The following THOC7 variants were observed in gnomAD, a reference collection of about 807,000 sequenced individuals.
THOC7 encodes the protein THO complex subunit 7.
In THOC7, 22 loss-of-function variants were observed where a neutral mutation model predicts 33.1. That is an observed-to-expected ratio of 0.66 (90% CI 0.47 to 0.95). The LOEUF (loss-of-function observed/expected upper bound fraction) is 0.95, where lower values mean the gene tolerates loss of function less well. Ranked by LOEUF, THOC7 falls within the 40% of genes least tolerant of loss-of-function variation. THOC7 has a pLI of 0.00. For synonymous variants in THOC7, 77 were observed against 76.8 expected (o/e 1.00, Z -0.01); for missense variants, 184 against 245.3 (o/e 0.75, Z 1.67).
intron 1 of THOC7, chr3:63,844,996 AT>A: frequency 1.5e-6 from 1 of 689,286 alleles, no homozygotes. Flanking sequence ...AGATCTTTAC[AT>A]TTGTTGTAAT....
rs1232400432 is a variant in THOC7, at chr3:63,834,202, G to T, written c.548-3C>A. 7 of 1,613,664 alleles carry T rather than the reference G, an allele frequency of 4.3e-6. No homozygotes were observed. Among genetic ancestry groups the T allele is most frequent in the Admixed American group, 1.7e-5 (1 of 59,992 alleles). ...TACCTCTGAGAGTTTTTCATCATCT[G>T]TAATTGAGAAGGAAACATAAAACCT... On this transcript the variant is annotated splice_polypyrimidine_tract_variant and splice_region_variant and intron_variant, in intron 7 of 7. Coordinates refer to ENST00000295899, the MANE Select transcript of THOC7 (RefSeq NM_025075.4).
intron 1 of THOC7, among the ~76,000 whole-genome samples, chr3:63,848,191 G>A (rs2107146730): frequency 6.6e-6 from 1 of 152,214 alleles, no homozygotes; most frequent in South Asian, 2.1e-4. Flanking sequence ...TCCCTTTCCA[G>A]GTCTTTTCCT....
At chr3:63,846,218 C>G (rs756565499) in intron 1 of THOC7, 4 of 450,406 alleles carry the variant, frequency 8.9e-6, no homozygotes, top group South Asian at 4.7e-5. Context: ...CCTTTCTTCC[C>G]TGAAAAAAGC....
intron 3 of THOC7, 136 bp downstream of exon 3, chr3:63,838,236 T>G: frequency 2.2e-6 from 2 of 907,772 alleles, no homozygotes; most frequent in South Asian, 3.8e-5. Context: ...TTTTTATAGC[T>G]AACATTTACT....
chr3:63,842,850 C>T (rs751488845), intron 1 of THOC7, among the ~76,000 whole-genome samples: 1 of 152,146 alleles, frequency 6.6e-6, no homozygotes, highest in African/African-American at 2.4e-5. Flanking sequence ...GGCATGATCT[C>T]GGCTCACTGC....
At chr3:63,858,255 A>G (rs977256163) in intron 1 of THOC7, among the ~76,000 whole-genome samples, 5 of 152,188 alleles carry the variant, frequency 3.3e-5, no homozygotes, top group African/African-American at 1.2e-4. Flanking sequence ...TTCATCCTTG[A>G]AACAACTCTA....
chr3:63,849,883 A>G (rs1254475949), intron 1 of THOC7, among the ~76,000 whole-genome samples: 1 of 152,208 alleles, frequency 6.6e-6, no homozygotes, highest in East Asian at 1.9e-4. Flanking sequence ...CTCAAGCCCT[A>G]TAAGCAAAAG....
chr3:63,836,193 C>G (rs1354842502), intron 5 of THOC7, 108 bp downstream of exon 5: 1 of 977,038 alleles, frequency 1.0e-6, no homozygotes, highest in Non-Finnish European at 1.5e-6. Flanking sequence ...AATATCTGAC[C>G]CCTCCTTTTG....
chr3:63,856,457 C>G (rs1702117076), intron 1 of THOC7, among the ~76,000 whole-genome samples: 1 of 152,110 alleles, frequency 6.6e-6, no homozygotes, highest in South Asian at 2.1e-4. Flanking sequence ...CCTATCTACC[C>G]TGCTGTGATT....
At chr3:63,864,310 G>T (rs1030203967), upstream of THOC7, among the ~76,000 whole-genome samples, 12 of 151,854 alleles carry the variant, frequency 7.9e-5, no homozygotes, top group African/African-American at 2.4e-4. Flanking sequence ...TCGTTTCCCT[G>T]GGGGGTGGGG....
intron 1 of THOC7, among the ~76,000 whole-genome samples, chr3:63,849,123 C>G (rs1701968617): frequency 6.6e-6 from 1 of 152,096 alleles, no homozygotes; most frequent in Non-Finnish European, 1.5e-5. Context: ...CATGGTGGCT[C>G]ACGCCTGTAA....
Position 63,835,236 on chromosome 3 carries a change from G to A in THOC7, c.478-13C>T. On this transcript the variant is annotated splice_polypyrimidine_tract_variant and intron_variant, in intron 6 of 7. Coordinates refer to ENST00000295899, the MANE Select transcript of THOC7 (RefSeq NM_025075.4). ...GTCTCAATTCCAGCTGTGTTAACAA[G>A]AAAAAAATTTATACAAATGACCTGT... The A allele has an allele frequency of 6.2e-7, 1 of 1,613,238 alleles. No homozygotes were observed. The highest frequency in any genetic ancestry group is 1.7e-5 in the Admixed American group (1 of 59,946).
Position 63,839,764 on chromosome 3 carries a change from A to G in THOC7, c.29T>C (p.Ile10Thr). MGAVTDDEVIRKRLLIDGDG... is the reference protein window; with the variant it reads MGAVTDDEVTRKRLLIDGDG... Reference sequence around the variant, plus strand: ...TCCATCAATGAGGAGACGCTTCCGTATAACTTCGTCTGCAGGAAAGAAGGG... The same window carrying G: ...TCCATCAATGAGGAGACGCTTCCGTGTAACTTCGTCTGCAGGAAAGAAGGG... Residue 10 changes from isoleucine (I) to threonine (T), a missense_variant, in exon 2 of 8, where the codon ATA becomes ACA. Ile to Thr is a moderately conservative substitution (Grantham distance 89). This residue lies in a region of THOC7 where 157 missense variants were observed against 201.3 expected (regional missense o/e 0.78). Transcript: ENST00000295899. The G allele has an allele frequency of 6.2e-7, 1 of 1,613,408 alleles. No individual in the cohort carries two copies. The highest frequency in any genetic ancestry group is 8.5e-7 in the Non-Finnish European group (1 of 1,179,886).
intron 1 of THOC7, among the ~76,000 whole-genome samples, chr3:63,849,833 A>G (rs916829138): frequency 6.6e-6 from 1 of 152,126 alleles, no homozygotes; most frequent in African/African-American, 2.4e-5. Flanking sequence ...GTTTTCTCTA[A>G]TATCTGGCTA....
intron 2 of THOC7, 59 bp downstream of exon 2, chr3:63,839,596 AT>A (rs1333734976): frequency 7.0e-7 from 1 of 1,426,688 alleles, no homozygotes; most frequent in African/African-American, 1.4e-5. Flanking sequence ...CAGGACCTTA[AT>A]ATAGGGCCTA....
upstream of THOC7, among the ~76,000 whole-genome samples, chr3:63,864,100 T>G (rs1702326171): frequency 6.9e-6 from 1 of 145,050 alleles, no homozygotes; most frequent in African/African-American, 2.5e-5. Flanking sequence ...CCGCCCCCCT[T>G]GCAGCCCCCG....
intron 2 of THOC7, among the ~76,000 whole-genome samples, chr3:63,838,942 G>T (rs1701695649): frequency 6.6e-6 from 1 of 152,154 alleles, no homozygotes; most frequent in South Asian, 2.1e-4. Flanking sequence ...TGTAATTCTG[G>T]AATTTTGGGA....
intron 1 of THOC7, among the ~76,000 whole-genome samples, chr3:63,854,399 C>T (rs1341245474): frequency 6.6e-6 from 1 of 152,184 alleles, no homozygotes; most frequent in Non-Finnish European, 1.5e-5. Context: ...CACAAATTAT[C>T]ATGCTTGAAA....
chr3:63,845,056 G>A lies in THOC7; in HGVS notation c.20-5283C>T, dbSNP rs1341566259. ...AAAAGGACCTGGAGACAGCTGACCT[G>A]AGACTCCTTGAGGAACACAGGAAAA... is the stretch of plus-strand genomic sequence containing the variant. On this transcript the variant is annotated intron_variant, in intron 1 of 7. Coordinates refer to ENST00000295899, the MANE Select transcript of THOC7 (RefSeq NM_025075.4). 7.1e-6 allele frequency: 5 copies of A among 699,834 alleles called. No homozygotes were observed. In the Admixed American group the frequency reaches 1.0e-4, roughly 14 times the overall value. 43.4% of individuals were successfully genotyped at this position (699,834 alleles called of 1,614,324 possible).
Sources: allele counts gnomAD v4.1 joint callset (sites outside exome capture counted in the v4.1 genomes callset), GRCh38; gene constraint gnomAD v4.1.1; regional missense constraint gnomAD v4.1.1; transcripts MANE v1.5; gene names NCBI Gene and HGNC (gene_info 2026-07-23, HGNC 2026-07-21).